The following IMMP2L variants were observed in gnomAD, a reference collection of about 807,000 sequenced individuals.
IMMP2L encodes inner mitochondrial membrane peptidase subunit 2, also known as mitochondrial inner membrane protease subunit 2.
IMMP2L carries 18 observed loss-of-function variants against 19.3 expected under a neutral mutation model. That is an observed-to-expected ratio of 0.93 (90% CI 0.64 to 1.38). IMMP2L has a LOEUF of 1.38. IMMP2L is among the 40% of genes most tolerant of loss of function. The probability of loss-of-function intolerance (pLI) is 0.00; values close to 1 mark genes in which losing one functional copy is unlikely to be tolerated. For missense variants in IMMP2L, 233 were observed against 218.2 expected (o/e 1.07, Z -0.43); for synonymous variants, 76 against 73.0 (o/e 1.04, Z -0.21).
chr7:111,264,297 A>G (rs569117911), intron 3 of IMMP2L, among the ~76,000 whole-genome samples: 1 of 152,286 alleles, frequency 6.6e-6, no homozygotes, highest in South Asian at 2.1e-4. Context: ...TCTTGGATTA[A>G]AGGGCCTCCT....
intron 5 of IMMP2L, among the ~76,000 whole-genome samples, chr7:110,860,859 A>G (rs1471097382): frequency 6.6e-6 from 1 of 152,142 alleles, no homozygotes; most frequent in East Asian, 1.9e-4. Flanking sequence ...TTTTAAAAAT[A>G]AAGTCAGGGC....
intron 3 of IMMP2L, among the ~76,000 whole-genome samples, chr7:111,471,545 T>G (rs1841271731): frequency 6.6e-6 from 1 of 152,120 alleles, no homozygotes; most frequent in Admixed American, 6.6e-5. Context: ...TTTTAAGACC[T>G]TATTTCGAAA....
At chr7:111,097,000 GT>G (rs776324069) in intron 3 of IMMP2L, 3 of 151,782 alleles carry the variant, frequency 2.0e-5, no homozygotes, top group Non-Finnish European at 4.4e-5. Context: ...ATCTTCTAAA[GT>G]TTGTCATTTC....
chr7:110,783,733 G>T lies in IMMP2L; in HGVS notation c.408+102860C>A, dbSNP rs538326368. On this transcript the variant is annotated intron_variant, in intron 5 of 5. Coordinates refer to ENST00000405709, the MANE Select transcript of IMMP2L (RefSeq NM_032549.4). ...CATTGTATTTTCAATACAAGAAGAG[G>T]AAAAATACATAGAAGTTTAAGAAAA... is the stretch of plus-strand genomic sequence containing the variant. 2.6e-5 allele frequency among the ~76,000 whole-genome samples: 4 copies of T among 151,910 alleles called. 1 individual carries two copies. The highest frequency in any genetic ancestry group is 9.6e-5 in the African/African-American group (4 of 41,522).
At chr7:111,157,878 AT>A (rs1251100142) in intron 3 of IMMP2L, among the ~76,000 whole-genome samples, 1 of 151,998 alleles carries the variant, frequency 6.6e-6, no homozygotes, top group African/African-American at 2.4e-5. Context: ...AATTTAAAAA[AT>A]AAAATAAAAT....
intron 5 of IMMP2L, among the ~76,000 whole-genome samples, chr7:110,706,789 G>A (rs948128649): frequency 2.0e-5 from 3 of 152,004 alleles, no homozygotes; most frequent in Non-Finnish European, 2.9e-5. Flanking sequence ...CTCTTATTCT[G>A]TAGGTTGCCT....
chr7:110,888,316 C>T (rs1331723171), intron 4 of IMMP2L, among the ~76,000 whole-genome samples: 2 of 152,114 alleles, frequency 1.3e-5, no homozygotes, highest in Non-Finnish European at 2.9e-5. Flanking sequence ...CCTCTAAGAA[C>T]TAATATTCTA....
At chr7:111,144,937 C>A (rs1437866375) in intron 3 of IMMP2L, among the ~76,000 whole-genome samples, 4 of 151,920 alleles carry the variant, frequency 2.6e-5, no homozygotes, top group African/African-American at 4.8e-5. Context: ...CTTAAAGGGG[C>A]CTGATCTGAA....
intron 2 of IMMP2L, among the ~76,000 whole-genome samples, chr7:111,503,506 A>G (rs1356489035): frequency 6.6e-6 from 1 of 152,168 alleles, no homozygotes; most frequent in Non-Finnish European, 1.5e-5. Context: ...AGCCTGGCAG[A>G]GACACAACAA....
intron 2 of IMMP2L, among the ~76,000 whole-genome samples, chr7:111,490,045 C>T (rs1406006051): frequency 6.6e-6 from 1 of 151,410 alleles, no homozygotes; most frequent in African/African-American, 2.4e-5. Context: ...ATCCGCCCGC[C>T]TCAGCCTCCC....
chr7:110,970,123 A>AAATC (rs140936860), intron 3 of IMMP2L, among the ~76,000 whole-genome samples: 5,055 of 152,204 alleles, frequency 0.033, 274 homozygotes, highest in African/African-American at 0.12. Context: ...GGATTATGTA[A>AAATC]AATCAATTAA....
At chr7:111,349,443 T>A (rs576257585) in intron 3 of IMMP2L, among the ~76,000 whole-genome samples, 49 of 152,166 alleles carry the variant, frequency 3.2e-4, no homozygotes, top group Non-Finnish European at 6.3e-4. Context: ...TTTTAAATTT[T>A]TGAGCAAAGT....
chr7:110,807,506 C>G (rs1801715236), intron 5 of IMMP2L, among the ~76,000 whole-genome samples: 1 of 151,982 alleles, frequency 6.6e-6, no homozygotes, highest in South Asian at 2.1e-4. Flanking sequence ...GTCACCCAAA[C>G]ACAAAGTCTA....
At chr7:110,946,448 A>G in intron 4 of IMMP2L, among the ~76,000 whole-genome samples, 1 of 152,194 alleles carries the variant, frequency 6.6e-6, no homozygotes, top group East Asian at 1.9e-4. Flanking sequence ...CTAAAACCCA[A>G]TAGATTAATA....
At position 110,897,363 on chromosome 7, in the gene IMMP2L, G is replaced by C. The variant is rs190218720; in HGVS notation, c.306-10668C>G. On this transcript the variant is annotated intron_variant, in intron 4 of 5. Coordinates refer to ENST00000405709, the MANE Select transcript of IMMP2L (RefSeq NM_032549.4). ...AGATACAAATAGGCAAGTGACAGAT[G>C]AGACAGGAAAAACTGCTTAAATTCA... Among the ~76,000 whole-genome samples, 6 of 152,262 alleles carry C rather than the reference G, an allele frequency of 3.9e-5. No homozygotes were observed. In the East Asian group the frequency reaches 1.2e-3, roughly 29 times the overall value.
intron 3 of IMMP2L, among the ~76,000 whole-genome samples, chr7:111,356,230 G>C (rs1828684689): frequency 3.9e-5 from 6 of 151,902 alleles, no homozygotes; most frequent in Admixed American, 2.6e-4. Context: ...TTGGCCCACT[G>C]TATCCATGGG....
intron 3 of IMMP2L, among the ~76,000 whole-genome samples, chr7:111,177,834 A>G (rs989681804): frequency 3.3e-5 from 5 of 152,068 alleles, no homozygotes; most frequent in African/African-American, 1.2e-4. Flanking sequence ...TTTATGTCAC[A>G]AAGAGTGGGA....
chr7:111,015,500 C>G (rs1019843712), intron 3 of IMMP2L, among the ~76,000 whole-genome samples: 1 of 152,204 alleles, frequency 6.6e-6, no homozygotes, highest in East Asian at 1.9e-4. Flanking sequence ...CGTGAATATA[C>G]TTAACACTAC....
intron 1 of IMMP2L, among the ~76,000 whole-genome samples, chr7:111,535,408 G>T (rs1033494880): frequency 1.3e-5 from 2 of 152,036 alleles, no homozygotes; most frequent in Admixed American, 1.3e-4. Context: ...AGTGTCTAAC[G>T]AAAGATATTA....
Sources: gnomAD v4.1 joint callset for allele counts (sites outside exome capture counted in the v4.1 genomes callset) on GRCh38, gnomAD v4.1.1 for gene constraint, MANE v1.5 for transcripts, NCBI Gene and HGNC (gene_info 2026-07-23, HGNC 2026-07-21) for gene names.